CACNA1C: variants seen among roughly 807,000 people sequenced by gnomAD.
CACNA1C encodes the protein voltage-dependent L-type calcium channel subunit alpha-1C.
Under a neutral mutation model 229.0 loss-of-function variants are expected in CACNA1C, and 30 were observed. That is an observed-to-expected ratio of 0.13 (90% confidence interval 0.10 to 0.18). CACNA1C has a LOEUF of 0.18. Ranked by LOEUF, CACNA1C falls within the 10% of genes least tolerant of loss-of-function variation. CACNA1C has a pLI of 1.00. For synonymous variants in CACNA1C, 1,114 were observed against 1,132.5 expected (o/e 0.98, Z 0.33); for missense variants, 1,658 against 2,845.0 (o/e 0.58, Z 9.49).
rs139395655 is a variant in CACNA1C, at chr12:2,091,405, A to C, written c.50-23819A>C. On this transcript the variant is annotated intron_variant, in intron 1 of 46. Transcript: ENST00000399655. ...TTATTATCTTATATTTTTGAAGGTC[A>C]GATGTCTAAAATGGGTCTGCAGGGC... Among the ~76,000 whole-genome samples, 488 of 152,348 alleles carry C rather than the reference A, an allele frequency of 3.2e-3. 7 individuals are homozygous for C. The highest frequency in any genetic ancestry group is 0.011 in the African/African-American group (447 of 41,564).
At chr12:2,545,255 T>C (rs896074553) in intron 9 of CACNA1C, among the ~76,000 whole-genome samples, 2 of 150,034 alleles carry the variant, frequency 1.3e-5, no homozygotes, top group East Asian at 2.0e-4. Flanking sequence ...CACCCACTTA[T>C]CAAGCTTTTT....
intron 3 of CACNA1C, among the ~76,000 whole-genome samples, chr12:2,422,183 G>A (rs892065318): frequency 5.3e-5 from 8 of 152,126 alleles, no homozygotes; most frequent in South Asian, 2.1e-4. Flanking sequence ...ATTCATAGTT[G>A]GCTAATTAAA....
chr12:2,153,062 C>T (rs1415576567), intron 3 of CACNA1C, among the ~76,000 whole-genome samples: 4 of 152,208 alleles, frequency 2.6e-5, no homozygotes, highest in Admixed American at 2.6e-4. Flanking sequence ...CAGAGATCAG[C>T]AGAGTGAAGG....
chr12:2,498,826 T>C lies in CACNA1C; in HGVS notation c.1113+5440T>C, dbSNP rs567639753. On this transcript the variant is annotated intron_variant, in intron 7 of 46. Transcript: ENST00000399655. ...ACCTGGGTTTTAGGTTCTCTCAACA[T>C]TGCTATGGCTGTCAGCCAGTTGTCT... Among the ~76,000 whole-genome samples, 5 of 152,332 alleles carry C rather than the reference T, an allele frequency of 3.3e-5. No individual in the cohort carries two copies. In the South Asian group the frequency reaches 8.3e-4, roughly 25 times the overall value.
At chr12:2,541,141 T>C (rs1040476867) in intron 9 of CACNA1C, among the ~76,000 whole-genome samples, 1 of 152,128 alleles carries the variant, frequency 6.6e-6, no homozygotes, top group African/African-American at 2.4e-5. Context: ...CATCTTAATC[T>C]AATGACCTCT....
intron 1 of CACNA1C, among the ~76,000 whole-genome samples, chr12:2,098,838 C>T (rs1196341608): frequency 1.3e-5 from 2 of 152,212 alleles, no homozygotes; most frequent in African/African-American, 4.8e-5. Flanking sequence ...TCAGGTAGTA[C>T]TTTCATAGAC....
Position 2,181,273 on chromosome 12 carries a change from C to T in CACNA1C, c.477+60843C>T, listed in dbSNP as rs1440299759. Among the ~76,000 whole-genome samples the T allele has an allele frequency of 2.0e-5, 3 of 152,140 alleles. No homozygotes were observed. The highest frequency in any genetic ancestry group is 4.4e-5 in the Non-Finnish European group (3 of 68,022). On this transcript the variant is annotated intron_variant, in intron 3 of 46. Coordinates refer to ENST00000399655, the MANE Select transcript of CACNA1C (RefSeq NM_000719.7). This position sits in a 1 kb window ranked among gnomAD's most constrained non-coding sequence, Gnocchi z 4.0. ...GAAAATGTTCAGCTGAATTGCAGTC[C>T]TTTCACAGAGGCAGTTCCTGAGTCT...
Position 2,597,001 on chromosome 12 carries a change from G to A in CACNA1C, c.2794-229G>A, listed in dbSNP as rs184809240. On this transcript the variant is annotated intron_variant, in intron 20 of 46. Transcript: ENST00000399655. The surrounding 1 kb of genome is among the most constrained non-coding windows in gnomAD (Gnocchi z 4.3). Reference sequence around the variant, plus strand: ...GGAAGCTCACCTCACTTATCTGGGGGCTTCAAGGGAAGCCGCTGTGCTGCC... The same window carrying A: ...GGAAGCTCACCTCACTTATCTGGGGACTTCAAGGGAAGCCGCTGTGCTGCC... Among the ~76,000 whole-genome samples the A allele has an allele frequency of 5.8e-3, 885 of 152,212 alleles. 11 individuals are homozygous for A. Among genetic ancestry groups the A allele is most frequent in the African/African-American group, 0.02 (829 of 41,520 alleles).
At chr12:2,199,381 G>A (rs2097520899) in intron 3 of CACNA1C, among the ~76,000 whole-genome samples, 1 of 152,126 alleles carries the variant, frequency 6.6e-6, no homozygotes, top group African/African-American at 2.4e-5. Context: ...GACGATGAGG[G>A]TGAAAACCTT....
rs1569021686 is a variant in CACNA1C at position 2,645,647 on chromosome 12, CG to C, written c.3913-2823del. ...AAACGCCCAGGGCATCAGTAGACCT[CG>C]GGGGCCTTGGGGGCAGGGGCTGTGG... On this transcript the variant is annotated intron_variant, in intron 30 of 46. Transcript: ENST00000399655. Among the ~76,000 whole-genome samples, 9 of 152,264 alleles carry C rather than the reference CG, an allele frequency of 5.9e-5. No homozygotes were observed. In the South Asian group the frequency reaches 1.7e-3, roughly 28 times the overall value.
At chr12:2,125,493 T>G (rs2089633033) in intron 3 of CACNA1C, among the ~76,000 whole-genome samples, 1 of 152,112 alleles carries the variant, frequency 6.6e-6, no homozygotes, top group South Asian at 2.1e-4. Flanking sequence ...GTTTCATAGC[T>G]TTTTTTAAAA....
At chr12:2,423,498 G>A (rs966356067) in intron 3 of CACNA1C, among the ~76,000 whole-genome samples, 3 of 152,112 alleles carry the variant, frequency 2.0e-5, no homozygotes, top group Admixed American at 1.3e-4. Context: ...ATGATGTTTC[G>A]AGGATTAAAT....
At chr12:2,177,634 C>CTCTCTTTCTT (rs1555275141) in intron 3 of CACNA1C, among the ~76,000 whole-genome samples, 20 of 112,884 alleles carry the variant, frequency 1.8e-4, no homozygotes, top group African/African-American at 5.6e-4. Context: ...CCTTCTCTCT[C>CTCTCTTTCTT]TCTTTCTTTC....
chr12:2,606,861 T>C, intron 25 of CACNA1C, 123 bp from the exon 26 acceptor site: 4 of 1,194,014 alleles, frequency 3.4e-6, no homozygotes, highest in Non-Finnish European at 4.8e-6. Context: ...GCTCCTCCCA[T>C]GGCTAGAACG....
chr12:1,982,535 CTATATA>C (rs1174718545), intron 1 of CACNA1C, among the ~76,000 whole-genome samples: 2 of 63,044 alleles, frequency 3.2e-5, no homozygotes, highest in Non-Finnish European at 6.2e-5. Context: ...TCACGTTGTA[CTATATA>C]TATAATTTTA....
chr12:2,540,756 C>T (rs1246730086), intron 9 of CACNA1C, among the ~76,000 whole-genome samples: 2 of 152,116 alleles, frequency 1.3e-5, no homozygotes, highest in African/African-American at 2.4e-5. Flanking sequence ...GGAGCCAGCA[C>T]GTTGAAGGAT....
chr12:2,631,234 T>A (rs1227283574), intron 29 of CACNA1C, among the ~76,000 whole-genome samples: 5 of 152,136 alleles, frequency 3.3e-5, no homozygotes, highest in Admixed American at 2.6e-4. Context: ...TTCCAACTCA[T>A]CCTCCTTTCT....
In CACNA1C at chr12:2,429,544, C is replaced by T. The variant is rs569183926; in HGVS notation, c.478-19432C>T. Among the ~76,000 whole-genome samples, 66 of 152,258 alleles carry T rather than the reference C, an allele frequency of 4.3e-4. 2 individuals carry two copies. The highest frequency in any genetic ancestry group is 3.4e-3 in the Middle Eastern group (1 of 294). ...TAAACCTTGCTTTCCTTGTCTTTCC[C>T]ATGGGGATGATAATACCCTTTCCTC... On this transcript the variant is annotated intron_variant, in intron 3 of 46. Coordinates refer to ENST00000399655, the MANE Select transcript of CACNA1C (RefSeq NM_000719.7).
intron 1 of CACNA1C, among the ~76,000 whole-genome samples, chr12:2,001,701 G>T (rs7968073): frequency 0.032 from 4,943 of 152,210 alleles, 269 homozygotes; most frequent in African/African-American, 0.11. Context: ...TTTTAGTTTG[G>T]CATTTTTCAC....
Sources: gnomAD v4.1 joint callset for allele counts (sites outside exome capture counted in the v4.1 genomes callset) on GRCh38, gnomAD v4.1.1 for gene constraint, Gnocchi (gnomAD v3.1) non-coding constraint, MANE v1.5 for transcripts, NCBI Gene and HGNC (gene_info 2026-07-23, HGNC 2026-07-21) for gene names.